Variants in CD302 observed in about 807,000 individuals in gnomAD.
CD302 encodes CD302 molecule.
A neutral mutation model predicts 26.5 loss-of-function variants in CD302; 23 were observed. The ratio of observed to expected loss-of-function variants is 0.87; its 90% CI spans 0.62 to 1.23. The LOEUF (loss-of-function observed/expected upper bound fraction) is 1.23, where lower values mean the gene tolerates loss of function less well. Among genes scored for constraint, CD302 ranks in the 50% most tolerant of loss-of-function variants. CD302 has a pLI of 0.00. For missense variants in CD302, 290 were observed against 275.5 expected (o/e 1.05, Z -0.37); for synonymous variants, 90 against 99.4 (o/e 0.91, Z 0.56).
intron 3 of CD302, 108 bp from the exon 4 acceptor site, chr2:159,780,286 ACTT>A: frequency 8.5e-7 from 1 of 1,182,568 alleles, no homozygotes; most frequent in Non-Finnish European, 1.2e-6. Flanking sequence ...TCTGGTCTAA[ACTT>A]CTGATTGTAG....
intron 5 of CD302, among the ~76,000 whole-genome samples, chr2:159,776,681 A>G (rs1708336900): frequency 6.6e-6 from 1 of 150,864 alleles, no homozygotes; most frequent in South Asian, 2.1e-4. Flanking sequence ...GAAAACTGGC[A>G]AAGGACTCAC....
chr2:159,788,050 T>C (rs1037678277), intron 1 of CD302, among the ~76,000 whole-genome samples: 3 of 151,202 alleles, frequency 2.0e-5, no homozygotes, highest in Admixed American at 2.0e-4. Context: ...GAGGTTGCAG[T>C]GAGCCAAGAT....
At chr2:159,789,815 T>C (rs529687216) in intron 1 of CD302, among the ~76,000 whole-genome samples, 6 of 152,340 alleles carry the variant, frequency 3.9e-5, no homozygotes, top group African/African-American at 1.2e-4. Flanking sequence ...CTCAACACTA[T>C]GAGATTGCCA....
intron 1 of CD302, among the ~76,000 whole-genome samples, chr2:159,789,202 A>G (rs1465929698): frequency 5.3e-5 from 8 of 151,212 alleles, no homozygotes; most frequent in Admixed American, 4.6e-4. Flanking sequence ...GGGTGTCACT[A>G]TATTGCCCAG....
At chr2:159,781,025 GTC>G in intron 2 of CD302, 27 bp from the exon 3 acceptor site, 1 of 1,571,588 alleles carries the variant, frequency 6.4e-7, no homozygotes, top group Non-Finnish European at 8.6e-7. Context: ...GAGAAAAAAA[GTC>G]AGCATATTCC....
intron 5 of CD302, among the ~76,000 whole-genome samples, chr2:159,776,185 C>T (rs1299286139): frequency 6.6e-6 from 1 of 151,700 alleles, no homozygotes; most frequent in African/African-American, 2.4e-5. Flanking sequence ...GCCTAATGTC[C>T]TTCAGGTTTA....
chr2:159,782,414 CAA>C (rs72068957), intron 2 of CD302, among the ~76,000 whole-genome samples: 1,529 of 70,600 alleles, frequency 0.022, 1 homozygote, highest in Middle Eastern at 0.037. Context: ...CTCCATCTCA[CAA>C]AAAAAAAAAA....
intron 5 of CD302, among the ~76,000 whole-genome samples, chr2:159,776,381 A>G (rs1708325234): frequency 6.6e-6 from 1 of 152,198 alleles, no homozygotes; most frequent in African/African-American, 2.4e-5. Flanking sequence ...GTGTACGGAT[A>G]TTAAAGAGTC....
chr2:159,788,478 C>T (rs1332142267), intron 1 of CD302, among the ~76,000 whole-genome samples: 1 of 152,228 alleles, frequency 6.6e-6, no homozygotes, highest in Non-Finnish European at 1.5e-5. Context: ...TAAGTACACT[C>T]TACGATGTTT....
chr2:159,778,605 G>C (rs1188590868), intron 4 of CD302, among the ~76,000 whole-genome samples: 5 of 152,172 alleles, frequency 3.3e-5, no homozygotes, highest in Non-Finnish European at 7.4e-5. Context: ...GTTTACAGTT[G>C]AAGTAGAAGG....
rs1708094752 is a variant in CD302, at chr2:159,770,257, T to G, written c.*1594A>C. 6.6e-6 allele frequency: 1 copy of G among 152,200 alleles called. No homozygotes were observed. Among genetic ancestry groups the G allele is most frequent in the African/African-American group, 2.4e-5 (1 of 41,464 alleles). 9.4% of individuals were successfully genotyped at this position (152,200 alleles called of 1,614,324 possible). A position where few individuals can be genotyped will look rare whatever the true frequency, so the allele number is the denominator to read the frequency against. On this transcript the variant is annotated 3_prime_UTR_variant, in exon 6 of 6. Coordinates refer to ENST00000259053, the MANE Select transcript of CD302 (RefSeq NM_014880.5). ...ATCAATAATAAAATAGACATCTCAA[T>G]CACTATACAAAATCTCAGAAATGTA... is the stretch of plus-strand genomic sequence containing the variant.
rs958386826 is a variant in CD302, at chr2:159,772,514, T to G, written c.497-461A>C. On this transcript the variant is annotated intron_variant, in intron 5 of 5. Transcript: ENST00000259053. ...ACCTGCAGTAAAGTACCTGGTTTTG[T>G]GTGTCTTTGCATTCATTCATTCTTT... is the stretch of plus-strand genomic sequence containing the variant. 3.3e-5 allele frequency among the ~76,000 whole-genome samples: 5 copies of G among 152,218 alleles called. No individual in the cohort carries two copies. In the East Asian group the frequency reaches 7.7e-4, roughly 23 times the overall value.
intron 5 of CD302, among the ~76,000 whole-genome samples, chr2:159,777,270 C>T (rs961584168): frequency 2.6e-5 from 4 of 152,178 alleles, no homozygotes; most frequent in South Asian, 4.1e-4. Context: ...AAATAATCAT[C>T]TGAAAGGTGC....
rs951335214 is a variant in CD302 at position 159,769,842 on chromosome 2, A to G, written c.*2009T>C. ...GATTTAAGAGCAGCACTGCCCAATA[A>G]AACTTCCTATAATGAAAATGTTCTA... On this transcript the variant is annotated 3_prime_UTR_variant, in exon 6 of 6. Transcript: ENST00000259053. 2.6e-5 allele frequency: 4 copies of G among 152,220 alleles called. No individual in the cohort carries two copies. The highest frequency in any genetic ancestry group is 6.5e-5 in the Admixed American group (1 of 15,284). 9.4% of individuals were successfully genotyped at this position (152,220 alleles called of 1,614,324 possible).
intron 1 of CD302, among the ~76,000 whole-genome samples, chr2:159,795,021 G>C (rs1708912896): frequency 6.6e-6 from 1 of 151,250 alleles, no homozygotes; most frequent in Admixed American, 6.6e-5. Context: ...CCAGGAGTTT[G>C]AGACCAGCCT....
At chr2:159,778,789 G>A (rs1297048968) in intron 4 of CD302, among the ~76,000 whole-genome samples, 1 of 152,106 alleles carries the variant, frequency 6.6e-6, no homozygotes, top group Non-Finnish European at 1.5e-5. Flanking sequence ...TTACAAGCAT[G>A]AGCCACTGTA....
At chr2:159,785,177 T>C (rs1041720129) in intron 1 of CD302, among the ~76,000 whole-genome samples, 2 of 151,910 alleles carry the variant, frequency 1.3e-5, no homozygotes, top group African/African-American at 4.8e-5. Context: ...GGTCTTGCTA[T>C]GTTGCCCAGG....
Position 159,780,157 on chromosome 2 carries a change from T to A in CD302, c.317A>T (p.Asp106Val), listed in dbSNP as rs780202336. 1.9e-6 allele frequency: 3 copies of A among 1,613,752 alleles called. No homozygotes were observed. Among genetic ancestry groups the A allele is most frequent in the Non-Finnish European group, 2.5e-6 (3 of 1,179,872 alleles). Residue 106 changes from aspartate to valine, a missense_variant, in exon 4 of 6, where the codon GAT becomes GTT. Asp to Val is a radical substitution (Grantham distance 152). Transcript: ENST00000259053. The stretch of plus-strand genomic sequence containing the variant: ...CTTATCAAATGTCATATTTGAATTA[T>A]CAAACCACTTGAAACTCGCATCTGT... ...DTDDASFKWFDNSNMTFDKWT... is the reference protein window; with the variant it reads ...DTDDASFKWFVNSNMTFDKWT...
At chr2:159,781,784 T>C (rs892437880) in intron 2 of CD302, among the ~76,000 whole-genome samples, 4 of 152,204 alleles carry the variant, frequency 2.6e-5, no homozygotes, top group East Asian at 1.9e-4. Flanking sequence ...CCAATGTTCA[T>C]GTAAGACTTT....
Sources: allele counts gnomAD v4.1 joint callset (sites outside exome capture counted in the v4.1 genomes callset), GRCh38; gene constraint gnomAD v4.1.1; transcripts MANE v1.5; gene names NCBI Gene and HGNC (gene_info 2026-07-23, HGNC 2026-07-21).